Variants in HOOK3 observed in about 807,000 individuals in gnomAD.
The protein encoded by HOOK3 is protein Hook homolog 3.
HOOK3 carries 24 observed loss-of-function variants against 116.3 expected under a neutral mutation model. That is an observed-to-expected ratio of 0.21 (90% confidence interval 0.15 to 0.29). The LOEUF (loss-of-function observed/expected upper bound fraction) is 0.29. HOOK3 is among the 10% of genes least tolerant of loss of function. HOOK3 has a pLI of 1.00. For missense variants in HOOK3, 632 were observed against 830.2 expected (o/e 0.76, Z 2.93); for synonymous variants, 275 against 283.0 (o/e 0.97, Z 0.28).
chr8:42,987,533 G>A (rs1024522555), intron 15 of HOOK3, among the ~76,000 whole-genome samples: 3 of 152,168 alleles, frequency 2.0e-5, no homozygotes, highest in Admixed American at 6.5e-5. Context: ...TAGCTCCCTC[G>A]TAATTGGATT....
chr8:42,917,307 G>T (rs1226880115), intron 2 of HOOK3, among the ~76,000 whole-genome samples: 1 of 152,122 alleles, frequency 6.6e-6, no homozygotes, highest in African/African-American at 2.4e-5. Context: ...TGTTGTTAAT[G>T]GTTTTTATTT....
intron 1 of HOOK3, among the ~76,000 whole-genome samples, chr8:42,905,131 C>A (rs1226953509): frequency 6.6e-6 from 1 of 152,070 alleles, no homozygotes; most frequent in East Asian, 1.9e-4. Flanking sequence ...TCTAACCTAA[C>A]CATTCTAAGT....
At chr8:42,997,493 G>C in intron 15 of HOOK3, 57 bp from the exon 16 acceptor site, 1 of 1,022,410 alleles carries the variant, frequency 9.8e-7, no homozygotes, top group Non-Finnish European at 1.5e-6. Flanking sequence ...GACAACCTAG[G>C]GAAAAAAGGC....
At chr8:42,923,816 C>T (rs994996317) in intron 2 of HOOK3, among the ~76,000 whole-genome samples, 1 of 152,064 alleles carries the variant, frequency 6.6e-6, no homozygotes, top group African/African-American at 2.4e-5. Context: ...TGAGTTATTT[C>T]TCAATAAAGC....
chr8:42,933,961 T>A (rs1246581571), intron 4 of HOOK3, among the ~76,000 whole-genome samples: 1 of 152,172 alleles, frequency 6.6e-6, no homozygotes, highest in Non-Finnish European at 1.5e-5. Flanking sequence ...TGTTCTTTTC[T>A]TTTGTTTTAT....
At chr8:42,902,957 T>C (rs1807220371) in intron 1 of HOOK3, among the ~76,000 whole-genome samples, 1 of 152,216 alleles carries the variant, frequency 6.6e-6, no homozygotes, top group African/African-American at 2.4e-5. Flanking sequence ...GTTTTCTTTT[T>C]TGAAAATGGG....
intron 5 of HOOK3, among the ~76,000 whole-genome samples, chr8:42,946,714 C>A (rs769662717): frequency 6.9e-6 from 1 of 145,624 alleles, no homozygotes; most frequent in Non-Finnish European, 1.5e-5. Flanking sequence ...CAATATATTT[C>A]TTTTCTCTAG....
chr8:43,005,994 CTATT>C (rs541185195), intron 17 of HOOK3, among the ~76,000 whole-genome samples: 7,455 of 148,182 alleles, frequency 0.05, 367 homozygotes, highest in African/African-American at 0.12. Flanking sequence ...CGCACCTGGT[CTATT>C]TATTTATTTA....
At chr8:42,994,320 C>T in intron 15 of HOOK3, 1 of 277,424 alleles carries the variant, frequency 3.6e-6, no homozygotes, top group Non-Finnish European at 7.1e-6. Context: ...CCAGCCTGCT[C>T]TTATCTTTAT....
rs1026820154 is a variant in HOOK3, at chr8:43,024,838, T to C, written c.*6340T>C. ...CTAATTTCCACCCAATCCCTCAAAT[T>C]ACCGAAGTATTAATATTTAGCTTCC... On this transcript the variant is annotated 3_prime_UTR_variant, in exon 22 of 22. Coordinates refer to ENST00000307602, the MANE Select transcript of HOOK3 (RefSeq NM_032410.4). 4.9e-6 allele frequency: 1 copy of C among 205,656 alleles called. No individual in the cohort carries two copies. The highest frequency in any genetic ancestry group is 7.4e-5 in the East Asian group (1 of 13,488). 12.7% of individuals were successfully genotyped at this position (205,656 alleles called of 1,614,324 possible).
intron 15 of HOOK3, 140 bp from the exon 16 acceptor site, chr8:42,997,410 A>G (rs1437179063): frequency 8.5e-6 from 5 of 590,484 alleles, no homozygotes; most frequent in Non-Finnish European, 1.2e-5. Flanking sequence ...CACTCATGAC[A>G]TTAGGCCACT....
chr8:43,020,891 A>AG lies in HOOK3; in HGVS notation c.*2395dup, dbSNP rs902662735. ...CGAGACAGGCACATCATCTGAGGTC[A>AG]GGACTTCCAGACCAGCCTGTCCAAC... On this transcript the variant is annotated 3_prime_UTR_variant, in exon 22 of 22. Transcript: ENST00000307602. The AG allele has an allele frequency of 5.5e-6, 1 of 180,936 alleles. No homozygotes were observed. The highest frequency in any genetic ancestry group is 2.4e-5 in the African/African-American group (1 of 42,312). The allele number at this position is 180,936 out of a possible 1,614,324, so 11.2% of individuals were successfully genotyped here.
chr8:42,950,380 G>A lies in HOOK3; in HGVS notation c.401-8G>A, dbSNP rs561502242. The A allele has an allele frequency of 2.1e-5, 33 of 1,591,358 alleles. No individual in the cohort carries two copies. In the East Asian group the frequency reaches 7.4e-4, roughly 36 times the overall value. On this transcript the variant is annotated splice_polypyrimidine_tract_variant and splice_region_variant and intron_variant, in intron 5 of 21. Coordinates refer to ENST00000307602, the MANE Select transcript of HOOK3 (RefSeq NM_032410.4). ...AACAGTGACATTCTAGATTGTTCTT[G>A]TTTTCAGAGTACATCCAAGCCATTA...
At chr8:42,994,102 A>G (rs1348456841) in intron 15 of HOOK3, among the ~76,000 whole-genome samples, 1 of 151,672 alleles carries the variant, frequency 6.6e-6, no homozygotes, top group Non-Finnish European at 1.5e-5. Flanking sequence ...TGCAACCTCC[A>G]CCTCCTGGGT....
rs1414283987 is a variant in HOOK3, at chr8:43,028,714, A to G, written c.*10216A>G. On this transcript the variant is annotated 3_prime_UTR_variant, in exon 22 of 22. Coordinates refer to ENST00000307602, the MANE Select transcript of HOOK3 (RefSeq NM_032410.4). ...GTATTAATTTACTTGGCCTGCTACTAAAGTGCTTAACATAACTAAATGGAT... is the reference window on the plus strand; with the variant it reads ...GTATTAATTTACTTGGCCTGCTACTGAAGTGCTTAACATAACTAAATGGAT... The G allele has an allele frequency of 1.0e-5, 2 of 196,684 alleles. No homozygotes were observed. Among genetic ancestry groups the G allele is most frequent in the East Asian group, 8.0e-5 (1 of 12,540 alleles). The allele number at this position is 196,684 out of a possible 1,614,324, so 12.2% of individuals were successfully genotyped here.
intron 14 of HOOK3, among the ~76,000 whole-genome samples, chr8:42,983,843 A>T (rs1808998112): frequency 6.6e-6 from 1 of 152,154 alleles, no homozygotes; most frequent in Non-Finnish European, 1.5e-5. Context: ...GGGAGACACC[A>T]ATTGTCCATT....
intron 8 of HOOK3, among the ~76,000 whole-genome samples, chr8:42,963,713 T>A (rs535807530): frequency 1.3e-5 from 2 of 152,366 alleles, no homozygotes; most frequent in South Asian, 4.1e-4. Context: ...TATATAATAA[T>A]GTGATTTTAA....
chr8:42,985,687 G>A (rs2130451044), intron 14 of HOOK3, among the ~76,000 whole-genome samples: 1 of 151,898 alleles, frequency 6.6e-6, no homozygotes, highest in East Asian at 1.9e-4. Flanking sequence ...GGAGGTGGCA[G>A]TGAGCTGAGA....
At chr8:42,969,206 TTCTG>T (rs1305557953) in intron 11 of HOOK3, among the ~76,000 whole-genome samples, 14 of 152,344 alleles carry the variant, frequency 9.2e-5, no homozygotes, top group African/African-American at 3.1e-4. Context: ...TTGATGGACT[TTCTG>T]TCTAAGAGTA....
Sources: gnomAD v4.1 joint callset for allele counts (sites outside exome capture counted in the v4.1 genomes callset) on GRCh38, gnomAD v4.1.1 for gene constraint, MANE v1.5 for transcripts, NCBI Gene and HGNC (gene_info 2026-07-23, HGNC 2026-07-21) for gene names.